Variants in MCF2L2 observed in about 807,000 individuals in gnomAD.
MCF2L2 encodes probable guanine nucleotide exchange factor MCF2L2.
MCF2L2 carries 102 observed loss-of-function variants against 150.2 expected under a neutral mutation model. The observed-to-expected ratio is 0.68, with a 90% confidence interval of 0.58 to 0.80. MCF2L2 has a LOEUF of 0.80. Ranked by LOEUF, MCF2L2 falls within the 30% of genes least tolerant of loss-of-function variation. MCF2L2 has a pLI of 0.00. For missense variants in MCF2L2, 1,256 were observed against 1,372.8 expected (o/e 0.91, Z 1.34); for synonymous variants, 465 against 491.3 (o/e 0.95, Z 0.71).
At position 183,311,292 on chromosome 3, in the gene MCF2L2, A is replaced by C. The variant is rs146197126; in HGVS notation, c.879-263T>G. Among the ~76,000 whole-genome samples the C allele has an allele frequency of 2.4e-3, 360 of 152,244 alleles. 2 individuals are homozygous for C. The highest frequency in any genetic ancestry group is 8.3e-3 in the African/African-American group (345 of 41,532). On this transcript the variant is annotated intron_variant, in intron 8 of 29. Transcript: ENST00000328913. The stretch of plus-strand genomic sequence containing the variant: ...TGTGCTTTAGAATGTGCTCCGGCTG[A>C]TCTTACCTTCATGCCTTCTTTCTTT...
At chr3:183,239,203 A>G (rs1723892578) in intron 15 of MCF2L2, among the ~76,000 whole-genome samples, 1 of 152,256 alleles carries the variant, frequency 6.6e-6, no homozygotes, top group East Asian at 1.9e-4. Flanking sequence ...CTTAGGATGC[A>G]AGAGCAGCCT....
At chr3:183,364,669 G>A (rs985263884) in intron 3 of MCF2L2, among the ~76,000 whole-genome samples, 3 of 152,034 alleles carry the variant, frequency 2.0e-5, no homozygotes, top group Non-Finnish European at 4.4e-5. Context: ...AAGAGAAGGG[G>A]AGGAAGGGGA....
At chr3:183,264,287 G>A (rs73184918) in intron 15 of MCF2L2, among the ~76,000 whole-genome samples, 3,676 of 152,160 alleles carry the variant, frequency 0.024, 73 homozygotes, top group Non-Finnish European at 0.043. Flanking sequence ...AATCCTAGTC[G>A]TCCTCAGGCC....
intron 27 of MCF2L2, among the ~76,000 whole-genome samples, chr3:183,184,270 G>C (rs1721622934): frequency 6.6e-6 from 1 of 152,160 alleles, no homozygotes; most frequent in South Asian, 2.1e-4. Context: ...CACCTGCCTT[G>C]GCCTCCCAAA....
chr3:183,310,662 C>CA (rs60284418), intron 9 of MCF2L2: 2,044 of 379,302 alleles, frequency 5.4e-3, no homozygotes, highest in Non-Finnish European at 6.5e-3. Flanking sequence ...GACCCTGTTT[C>CA]AAAAAAAAAA....
chr3:183,326,188 T>C (rs914791836), intron 5 of MCF2L2, among the ~76,000 whole-genome samples: 3 of 152,116 alleles, frequency 2.0e-5, no homozygotes, highest in African/African-American at 7.2e-5. Flanking sequence ...ATTGATTTTT[T>C]AAACTTTTTA....
intron 1 of MCF2L2, among the ~76,000 whole-genome samples, chr3:183,401,911 A>T (rs1714776130): frequency 6.6e-6 from 1 of 152,176 alleles, no homozygotes; most frequent in African/African-American, 2.4e-5. Context: ...GCCTGTGTGT[A>T]GACATGTTTA....
chr3:183,289,133 T>C lies in MCF2L2; in HGVS notation c.1763A>G (p.Lys588Arg), dbSNP rs762851532. ...NSRGKEDDET[K>R]FEVKSEEIFE... ...AGGTAATTTTACCTTGACTTCAAAT[T>C]TAGTCTCATCATCTTCCTTTCCCCG... Residue 588 changes from lysine to arginine, a missense_variant, in exon 14 of 30, where the codon AAA becomes AGA. Lys to Arg is a conservative substitution (Grantham distance 26, BLOSUM62 2). Transcript: ENST00000328913. 3 of 1,612,550 alleles carry C rather than the reference T, an allele frequency of 1.9e-6. No homozygotes were observed. The South Asian group carries it at 3.3e-5, about 18-fold the overall frequency.
intron 3 of MCF2L2, chr3:183,376,155 G>T (rs368247968): frequency 2.0e-5 from 3 of 152,238 alleles, no homozygotes; most frequent in African/African-American, 7.2e-5. Context: ...GTAGAACAAA[G>T]AAATCCAAAA....
At chr3:183,341,474 A>C in intron 4 of MCF2L2, 66 bp downstream of exon 4, 1 of 1,292,704 alleles carries the variant, frequency 7.7e-7, no homozygotes. Flanking sequence ...CAGGACTTTG[A>C]TATGAAATAG....
rs920270410 is a variant in MCF2L2 at position 183,179,284 on chromosome 3, C to T, written c.*96G>A. 126 of 1,347,976 alleles carry T rather than the reference C, an allele frequency of 9.3e-5. No individual in the cohort carries two copies. Among genetic ancestry groups the T allele is most frequent in the Non-Finnish European group, 2.4e-5 (25 of 1,054,030 alleles). The allele number at this position is 1,347,976 out of a possible 1,614,324, so 83.5% of individuals were successfully genotyped here. ...TCTGCCGCCGCCGAGGCTCCGGCTG[C>T]TTTCTGCGTAGCTGGGCAGGGCCCG... On this transcript the variant is annotated 3_prime_UTR_variant, in exon 30 of 30. Transcript: ENST00000328913. This position sits in a 1 kb window ranked among gnomAD's most constrained non-coding sequence, Gnocchi z 4.2.
At chr3:183,330,084 TAAA>T (rs66925414) in intron 5 of MCF2L2, among the ~76,000 whole-genome samples, 14,844 of 144,376 alleles carry the variant, frequency 0.1, 1,049 homozygotes, top group East Asian at 0.2. Context: ...AAAAATAAAT[TAAA>T]AAAAAAAATC....
At chr3:183,406,069 A>G (rs1287877936) in intron 1 of MCF2L2, among the ~76,000 whole-genome samples, 1 of 152,154 alleles carries the variant, frequency 6.6e-6, no homozygotes, top group Admixed American at 6.5e-5. Context: ...AATATTCATG[A>G]ACAGATTTTT....
chr3:183,362,131 G>T (rs75653158), intron 3 of MCF2L2, among the ~76,000 whole-genome samples: 9,899 of 149,452 alleles, frequency 0.066, 346 homozygotes, highest in East Asian at 0.09. Flanking sequence ...TTGAGTTGGA[G>T]TATTGCTCCA....
intron 1 of MCF2L2, among the ~76,000 whole-genome samples, chr3:183,427,182 T>C (rs1400436561): frequency 2.0e-5 from 3 of 152,168 alleles, no homozygotes; most frequent in African/African-American, 4.8e-5. Context: ...GGGAAGAAAG[T>C]GCTAAGAAAA....
intron 3 of MCF2L2, among the ~76,000 whole-genome samples, chr3:183,343,532 G>A (rs975438759): frequency 1.1e-4 from 16 of 151,880 alleles, no homozygotes; most frequent in South Asian, 6.2e-4. Context: ...CACCACACCC[G>A]GCTAATTTTT....
At chr3:183,218,378 G>C (rs185654485) in intron 21 of MCF2L2, among the ~76,000 whole-genome samples, 170 of 152,332 alleles carry the variant, frequency 1.1e-3, no homozygotes, top group African/African-American at 3.9e-3. Context: ...GCTCACGCCT[G>C]TAATCCCAGC....
At chr3:183,180,041 AGAT>A in intron 28 of MCF2L2, 27 bp downstream of exon 28, 1 of 1,540,606 alleles carries the variant, frequency 6.5e-7, no homozygotes, top group South Asian at 1.1e-5. Flanking sequence ...GGAGGGAAGA[AGAT>A]GAAAGAAACA....
At chr3:183,354,323 G>C (rs2108556844) in intron 3 of MCF2L2, among the ~76,000 whole-genome samples, 1 of 152,248 alleles carries the variant, frequency 6.6e-6, no homozygotes, top group East Asian at 1.9e-4. Flanking sequence ...TCTACATTCT[G>C]CAGAGAATCC....
Sources: allele counts gnomAD v4.1 joint callset (sites outside exome capture counted in the v4.1 genomes callset), GRCh38; gene constraint gnomAD v4.1.1; non-coding constraint Gnocchi (gnomAD v3.1); transcripts MANE v1.5; gene names NCBI Gene and HGNC (gene_info 2026-07-23, HGNC 2026-07-21).